Variants in WDR75 observed in about 807,000 individuals in gnomAD.
WDR75 encodes WD repeat domain 75.
In WDR75, 52 loss-of-function variants were observed where a neutral mutation model predicts 106.1. That is an observed-to-expected ratio of 0.49 (90% confidence interval 0.39 to 0.62). The LOEUF (loss-of-function observed/expected upper bound fraction) is 0.62, where lower values mean the gene tolerates loss of function less well. Among genes scored for constraint, WDR75 ranks in the 20% least tolerant of loss-of-function variants. The probability of loss-of-function intolerance (pLI) is 0.00; values close to 1 mark genes in which losing one functional copy is unlikely to be tolerated. For synonymous variants in WDR75, 333 were observed against 335.5 expected (o/e 0.99, Z 0.08); for missense variants, 905 against 970.3 (o/e 0.93, Z 0.89).
intron 4 of WDR75, among the ~76,000 whole-genome samples, chr2:189,452,530 C>T (rs577991944): frequency 1.4e-5 from 2 of 147,190 alleles, no homozygotes; most frequent in Non-Finnish European, 3.0e-5. Context: ...CCACTGCACT[C>T]CAGCCTGGGT....
At chr2:189,474,003 C>G (rs1373601055) in intron 18 of WDR75, among the ~76,000 whole-genome samples, 183 bp from the exon 19 acceptor site, 4 of 152,200 alleles carry the variant, frequency 2.6e-5, no homozygotes, top group African/African-American at 9.7e-5. Context: ...GTTAGCTCTT[C>G]TCATAAGTGG....
chr2:189,461,322 T>C (rs563661341), intron 8 of WDR75, among the ~76,000 whole-genome samples: 2 of 152,222 alleles, frequency 1.3e-5, no homozygotes, highest in African/African-American at 2.4e-5. Context: ...TTCAAACCAT[T>C]AGATTTAATT....
intron 5 of WDR75, among the ~76,000 whole-genome samples, chr2:189,456,272 A>G (rs1686734365): frequency 6.6e-6 from 1 of 152,166 alleles, no homozygotes; most frequent in Non-Finnish European, 1.5e-5. Context: ...AGTTAAATAC[A>G]TTTACCTAGC....
chr2:189,469,469 G>A, intron 16 of WDR75, 30 bp downstream of exon 16: 1 of 1,531,234 alleles, frequency 6.5e-7, no homozygotes. Context: ...TGTAGTAAGA[G>A]AACATCTATG....
At chr2:189,452,869 T>C (rs1686656445) in intron 4 of WDR75, among the ~76,000 whole-genome samples, 2 of 152,088 alleles carry the variant, frequency 1.3e-5, no homozygotes, top group African/African-American at 2.4e-5. Flanking sequence ...AGCTTTAAGA[T>C]GATAGTGGGG....
At chr2:189,462,085 A>C (rs1180721531) in intron 8 of WDR75, among the ~76,000 whole-genome samples, 1 of 152,150 alleles carries the variant, frequency 6.6e-6, no homozygotes, top group Non-Finnish European at 1.5e-5. Flanking sequence ...ATACCCTTTA[A>C]TATATCATTG....
At chr2:189,474,405 G>C (rs1687172326) in intron 19 of WDR75, 73 bp downstream of exon 19, 8 of 1,498,948 alleles carry the variant, frequency 5.3e-6, no homozygotes, top group Non-Finnish European at 7.2e-6. Flanking sequence ...TTTTGACACA[G>C]TCAATCTGTA....
chr2:189,472,076 A>G (rs906973535), intron 18 of WDR75, among the ~76,000 whole-genome samples: 3 of 152,112 alleles, frequency 2.0e-5, no homozygotes, highest in African/African-American at 7.2e-5. Flanking sequence ...TTTGTTAATT[A>G]TTTACTGTAC....
chr2:189,444,375 G>T (rs1260746755), intron 1 of WDR75, among the ~76,000 whole-genome samples: 2 of 152,116 alleles, frequency 1.3e-5, no homozygotes, highest in Non-Finnish European at 2.9e-5. Flanking sequence ...GTTCTGAGGG[G>T]CATGTGGGTA....
At chr2:189,470,470 G>A (rs1230731920) in intron 17 of WDR75, among the ~76,000 whole-genome samples, 1 of 151,602 alleles carries the variant, frequency 6.6e-6, no homozygotes, top group African/African-American at 2.4e-5. Flanking sequence ...TATTAACTCT[G>A]TGACAGCAAA....
chr2:189,449,445 A>T, intron 2 of WDR75: 2 of 1,206,972 alleles, frequency 1.7e-6, no homozygotes, highest in Non-Finnish European at 2.1e-6. Flanking sequence ...ACAAAAGTTT[A>T]TCGCTGTGTG....
chr2:189,451,488 A>G (rs1224255649), intron 3 of WDR75, among the ~76,000 whole-genome samples: 1 of 152,236 alleles, frequency 6.6e-6, no homozygotes, highest in Non-Finnish European at 1.5e-5. Flanking sequence ...ACGTTTTGCT[A>G]CAGCAGTCTC....
At chr2:189,466,287 C>T (rs1228617815) in intron 12 of WDR75, 138 bp from the exon 13 acceptor site, 4 of 932,360 alleles carry the variant, frequency 4.3e-6, no homozygotes, top group Non-Finnish European at 6.7e-6. Context: ...GTAGAGCACT[C>T]AATTGTTTGT....
At chr2:189,473,683 T>C (rs1221703877) in intron 18 of WDR75, among the ~76,000 whole-genome samples, 1 of 152,166 alleles carries the variant, frequency 6.6e-6, no homozygotes, top group Non-Finnish European at 1.5e-5. Flanking sequence ...TAGTCCCATT[T>C]TCACCCCACA....
intron 2 of WDR75, chr2:189,448,852 T>C (rs1181558173): frequency 8.4e-6 from 4 of 476,262 alleles, no homozygotes; most frequent in Admixed American, 4.7e-5. Flanking sequence ...GTTTTTGGTG[T>C]TTCTCAAACT....
At chr2:189,464,533 A>G (rs1438424557) in intron 11 of WDR75, among the ~76,000 whole-genome samples, 1 of 152,188 alleles carries the variant, frequency 6.6e-6, no homozygotes, top group Non-Finnish European at 1.5e-5. Flanking sequence ...GCTTATCTCA[A>G]GTATAATGCC....
intron 8 of WDR75, among the ~76,000 whole-genome samples, chr2:189,460,945 G>A (rs1686868903): frequency 6.6e-6 from 1 of 151,958 alleles, no homozygotes; most frequent in South Asian, 2.1e-4. Context: ...AAAAATAGCT[G>A]CGTAAATATA....
chr2:189,444,089 T>A (rs534987872), intron 1 of WDR75, among the ~76,000 whole-genome samples: 6 of 147,958 alleles, frequency 4.1e-5, no homozygotes, highest in Middle Eastern at 3.5e-3. Flanking sequence ...TTGGTCAAGA[T>A]TTAGAGATTT....
chr2:189,467,076 G>A (rs1254330882), intron 13 of WDR75, among the ~76,000 whole-genome samples: 1 of 151,838 alleles, frequency 6.6e-6, no homozygotes, highest in Non-Finnish European at 1.5e-5. Context: ...TTAACAGTGG[G>A]GGATACAATC....
Sources: gnomAD v4.1 joint callset for allele counts (sites outside exome capture counted in the v4.1 genomes callset) on GRCh38, gnomAD v4.1.1 for gene constraint, MANE v1.5 for transcripts, NCBI Gene and HGNC (gene_info 2026-07-23, HGNC 2026-07-21) for gene names.